The following PDE10A variants were observed in gnomAD, a reference collection of about 807,000 sequenced individuals.
PDE10A encodes the protein phosphodiesterase 10A.
PDE10A carries 39 observed loss-of-function variants against 97.7 expected under a neutral mutation model. The observed-to-expected ratio is 0.40, with a 90% CI of 0.31 to 0.52. The LOEUF (loss-of-function observed/expected upper bound fraction) is 0.52. Ranked by LOEUF, PDE10A falls within the 20% of genes least tolerant of loss-of-function variation. PDE10A has a pLI of 0.56. For synonymous variants in PDE10A, 371 were observed against 376.8 expected (o/e 0.98, Z 0.18); for missense variants, 731 against 1,047.8 (o/e 0.70, Z 4.17).
chr6:165,654,565 C>T (rs768367966), intron 1 of PDE10A, among the ~76,000 whole-genome samples: 2 of 145,814 alleles, frequency 1.4e-5, no homozygotes, highest in African/African-American at 2.8e-5. Flanking sequence ...CCACATTCTA[C>T]TCGCCCTGTC....
intron 1 of PDE10A, among the ~76,000 whole-genome samples, chr6:165,806,296 T>C (rs1037764882): frequency 3.3e-5 from 5 of 152,158 alleles, no homozygotes; most frequent in African/African-American, 9.7e-5. Context: ...GACCCGCCTG[T>C]CACTGTCTAT....
rs570106441 is a variant in PDE10A at position 165,971,622 on chromosome 6, G to A, written c.-615+15907C>T. Among the ~76,000 whole-genome samples the A allele has an allele frequency of 1.2e-4, 19 of 152,222 alleles. No homozygotes were observed. In the East Asian group the frequency reaches 2.3e-3, roughly 19 times the overall value. On this transcript the variant is annotated intron_variant, in intron 1 of 19. Coordinates refer to the PDE10A transcript ENST00000366882. ...TTGCCAATTAAGAACCAAGTTTTAC[G>A]TATGTATTTTACTGAAGATGGGAGA...
intron 7 of PDE10A, among the ~76,000 whole-genome samples, chr6:165,432,282 C>A (rs1226281862): frequency 6.6e-6 from 1 of 152,110 alleles, no homozygotes; most frequent in Non-Finnish European, 1.5e-5. Flanking sequence ...ATGAAGTGTT[C>A]AGGGAGGGCC....
At chr6:165,508,820 T>C (rs1248154735) in intron 2 of PDE10A, among the ~76,000 whole-genome samples, 3 of 152,018 alleles carry the variant, frequency 2.0e-5, no homozygotes, top group Admixed American at 2.0e-4. Flanking sequence ...ACTGTAAGTA[T>C]ACAAAATTCA....
At chr6:165,738,414 G>A (rs1792635972) in intron 1 of PDE10A, among the ~76,000 whole-genome samples, 1 of 150,016 alleles carries the variant, frequency 6.7e-6, no homozygotes, top group Non-Finnish European at 1.5e-5. Context: ...GTCTATCATT[G>A]TTGGACATTT....
At chr6:165,471,749 A>T (rs1408628671) in intron 3 of PDE10A, among the ~76,000 whole-genome samples, 1 of 152,110 alleles carries the variant, frequency 6.6e-6, no homozygotes, top group Non-Finnish European at 1.5e-5. Flanking sequence ...ATCAAACCCA[A>T]GCATTTTCCC....
chr6:165,893,255 T>C (rs1781852482), intron 1 of PDE10A, among the ~76,000 whole-genome samples: 3 of 152,242 alleles, frequency 2.0e-5, no homozygotes, highest in Admixed American at 2.0e-4. Flanking sequence ...GTATAGTCAC[T>C]CTTCAGATTT....
At chr6:165,937,094 G>C (rs1783356075) in intron 1 of PDE10A, among the ~76,000 whole-genome samples, 1 of 152,196 alleles carries the variant, frequency 6.6e-6, no homozygotes, top group African/African-American at 2.4e-5. Flanking sequence ...CCCCAAAACA[G>C]GCAGTTCTGC....
rs548326019 is a variant in PDE10A at position 165,568,242 on chromosome 6, G to A, written c.866-24674C>T. On this transcript the variant is annotated intron_variant, in intron 1 of 21. Coordinates refer to ENST00000539869, the MANE Select transcript of PDE10A (RefSeq NM_001385079.1). Reference sequence around the variant, plus strand: ...TCTAGATCTGCTGACCTCATGATCCGCCCGCCTCGGCCTCCCAAAGTGCTG... The same window carrying A: ...TCTAGATCTGCTGACCTCATGATCCACCCGCCTCGGCCTCCCAAAGTGCTG... 1.1e-4 allele frequency among the ~76,000 whole-genome samples: 17 copies of A among 151,950 alleles called. 1 individual carries two copies. The highest frequency in any genetic ancestry group is 4.1e-4 in the South Asian group (2 of 4,822).
chr6:165,650,389 C>T (rs1018369895), intron 1 of PDE10A, among the ~76,000 whole-genome samples: 6 of 152,186 alleles, frequency 3.9e-5, no homozygotes, highest in Admixed American at 3.3e-4. Flanking sequence ...CTCCCTTTAC[C>T]GCCCAGCAAG....
intron 1 of PDE10A, among the ~76,000 whole-genome samples, chr6:165,951,816 C>T (rs921236287): frequency 1.3e-5 from 2 of 152,208 alleles, no homozygotes; most frequent in Non-Finnish European, 2.9e-5. Flanking sequence ...TCTTTTAATA[C>T]ATGGTCCTTC....
chr6:165,751,921 C>T (rs1348077765), intron 1 of PDE10A, among the ~76,000 whole-genome samples: 9 of 151,838 alleles, frequency 5.9e-5, no homozygotes, highest in Non-Finnish European at 1.0e-4. Flanking sequence ...AGGTGGATCA[C>T]GAGATCAGGA....
At chr6:165,587,905 A>G (rs1786009567) in intron 1 of PDE10A, among the ~76,000 whole-genome samples, 1 of 152,204 alleles carries the variant, frequency 6.6e-6, no homozygotes. Flanking sequence ...GATGACTGTC[A>G]TTGGTATGGA....
chr6:165,823,839 G>A (rs527671261), intron 1 of PDE10A, among the ~76,000 whole-genome samples: 2 of 152,012 alleles, frequency 1.3e-5, no homozygotes, highest in African/African-American at 4.8e-5. Flanking sequence ...TTACGGGACC[G>A]CTGTCATATA....
At chr6:165,736,076 C>G (rs984176723) in intron 1 of PDE10A, among the ~76,000 whole-genome samples, 1 of 152,120 alleles carries the variant, frequency 6.6e-6, no homozygotes, top group Non-Finnish European at 1.5e-5. Context: ...ACAGTAAGGA[C>G]AAGGGCTAAG....
intron 1 of PDE10A, among the ~76,000 whole-genome samples, chr6:165,736,991 C>A (rs1017718365): frequency 1.6e-4 from 25 of 152,126 alleles, no homozygotes; most frequent in Admixed American, 1.2e-3. Flanking sequence ...TACAGAACTA[C>A]AAAGGATCGT....
intron 2 of PDE10A, 107 bp from the exon 3 acceptor site, chr6:165,482,450 T>C (rs566073938): frequency 4.9e-6 from 4 of 812,552 alleles, no homozygotes; most frequent in South Asian, 2.7e-5. Flanking sequence ...TTTTTTGCAA[T>C]GCTTCCTCTT....
At chr6:165,438,956 TAAAA>T (rs10711465) in intron 5 of PDE10A, among the ~76,000 whole-genome samples, 1 of 132,780 alleles carries the variant, frequency 7.5e-6, no homozygotes, top group African/African-American at 2.8e-5. Flanking sequence ...AGACCCTGCT[TAAAA>T]AAAAAAAAAA....
chr6:165,609,185 T>C (rs967358860), intron 1 of PDE10A, among the ~76,000 whole-genome samples: 2 of 152,212 alleles, frequency 1.3e-5, no homozygotes, highest in African/African-American at 4.8e-5. Flanking sequence ...TCCTTGCCCA[T>C]GCCTATGTCC....
Sources: gnomAD v4.1 joint callset for allele counts (sites outside exome capture counted in the v4.1 genomes callset) on GRCh38, gnomAD v4.1.1 for gene constraint, MANE v1.5 for transcripts, NCBI Gene and HGNC (gene_info 2026-07-23, HGNC 2026-07-21) for gene names.